Variants in PLPP4 observed in about 807,000 individuals in gnomAD.
PLPP4 encodes the protein diacylglycerol pyrophosphate like 2.
Under a neutral mutation model 32.2 loss-of-function variants are expected in PLPP4, and 20 were observed. The observed-to-expected ratio is 0.62, with a 90% CI of 0.44 to 0.90. The LOEUF (loss-of-function observed/expected upper bound fraction) is 0.90. Among genes scored for constraint, PLPP4 ranks in the 40% least tolerant of loss-of-function variants. The pLI is 0.00. For synonymous variants in PLPP4, 127 were observed against 133.0 expected, an observed-to-expected ratio of 0.95 and a Z score of 0.31; for missense variants, 257 against 353.1, an observed-to-expected ratio of 0.73 and a Z score of 2.18.
At chr10:120,538,032 C>CTGTG (rs1847127221) in intron 5 of PLPP4, among the ~76,000 whole-genome samples, 1 of 60,700 alleles carries the variant, frequency 1.6e-5, no homozygotes, top group Non-Finnish European at 3.8e-5. Context: ...CTCTCTCTCT[C>CTGTG]TCTCTCTCTC....
intron 3 of PLPP4, among the ~76,000 whole-genome samples, chr10:120,517,794 T>C (rs549383153): frequency 1.3e-5 from 2 of 152,338 alleles, no homozygotes; most frequent in East Asian, 3.9e-4. Flanking sequence ...CACAGTACTT[T>C]CTGCTCATAG....
At chr10:120,578,830 A>C (rs951887699) in intron 6 of PLPP4, among the ~76,000 whole-genome samples, 4 of 152,234 alleles carry the variant, frequency 2.6e-5, no homozygotes, top group Admixed American at 1.3e-4. Flanking sequence ...TGTCCTTGTG[A>C]CATTCTGGCT....
At chr10:120,533,554 A>T (rs1846846643) in intron 5 of PLPP4, among the ~76,000 whole-genome samples, 1 of 151,992 alleles carries the variant, frequency 6.6e-6, no homozygotes. Flanking sequence ...CCCCTTTGTT[A>T]TCTGTGCTTT....
At chr10:120,466,227 C>A (rs1191408027) in intron 1 of PLPP4, among the ~76,000 whole-genome samples, 1 of 152,144 alleles carries the variant, frequency 6.6e-6, no homozygotes, top group Non-Finnish European at 1.5e-5. Flanking sequence ...GGGTCCCATT[C>A]TGCAGGCAGA....
intron 4 of PLPP4, among the ~76,000 whole-genome samples, chr10:120,520,266 C>T (rs1197355875): frequency 6.6e-6 from 1 of 152,154 alleles, no homozygotes; most frequent in African/African-American, 2.4e-5. Context: ...GTGTCTTCTG[C>T]ATCATGGAGC....
chr10:120,467,101 C>T (rs1848360341), intron 1 of PLPP4, among the ~76,000 whole-genome samples: 4 of 149,916 alleles, frequency 2.7e-5, no homozygotes, highest in Admixed American at 1.3e-4. Context: ...TTTTTTGAGA[C>T]GGAGTCTTGC....
rs142757784 is a variant in PLPP4, at chr10:120,470,112, T to G, written c.56+12751T>G. Reference sequence around the variant, plus strand: ...ACAGTTGTGTGAAGGTGTCCATCATTATGCATCCTTGCCGATGTTGGATGT... The same window carrying G: ...ACAGTTGTGTGAAGGTGTCCATCATGATGCATCCTTGCCGATGTTGGATGT... On this transcript the variant is annotated intron_variant, in intron 1 of 6. Transcript: ENST00000398250. 4.3e-3 allele frequency among the ~76,000 whole-genome samples: 662 copies of G among 152,370 alleles called. 8 individuals carry two copies. Among genetic ancestry groups the G allele is most frequent in the African/African-American group, 0.015 (644 of 41,586 alleles).
rs114189107 is a variant in PLPP4 at position 120,491,769 on chromosome 10, G to A, written c.57-12049G>A. 5.0e-3 allele frequency among the ~76,000 whole-genome samples: 754 copies of A among 151,948 alleles called. 7 individuals are homozygous for A. The highest frequency in any genetic ancestry group is 0.017 in the African/African-American group (685 of 41,432). Reference sequence around the variant, plus strand: ...TCTTTTAAAGCAGATCCTAGATATGGCATCATGTCTGTATATACTTTGATA... The same window carrying A: ...TCTTTTAAAGCAGATCCTAGATATGACATCATGTCTGTATATACTTTGATA... On this transcript the variant is annotated intron_variant, in intron 1 of 6. Coordinates refer to ENST00000398250, the MANE Select transcript of PLPP4 (RefSeq NM_001030059.3).
chr10:120,581,982 C>T (rs965343374), intron 6 of PLPP4, among the ~76,000 whole-genome samples: 2 of 152,092 alleles, frequency 1.3e-5, no homozygotes, highest in African/African-American at 4.8e-5. Flanking sequence ...TCAGTTTGGC[C>T]GTAGTGCACA....
chr10:120,480,190 C>G (rs1359371260), intron 1 of PLPP4, among the ~76,000 whole-genome samples: 4 of 152,144 alleles, frequency 2.6e-5, no homozygotes, highest in African/African-American at 4.8e-5. Flanking sequence ...CGGTTGAGTA[C>G]CTGGTGCATG....
intron 6 of PLPP4, among the ~76,000 whole-genome samples, chr10:120,581,714 TCCTCTC>T (rs139266634): frequency 0.051 from 7,682 of 151,698 alleles, 235 homozygotes; most frequent in Admixed American, 0.097. Flanking sequence ...TGGCTTGTTC[TCCTCTC>T]CCTCCTAAAC....
chr10:120,533,569 A>G (rs559314133), intron 5 of PLPP4, among the ~76,000 whole-genome samples: 4 of 152,202 alleles, frequency 2.6e-5, no homozygotes, highest in East Asian at 1.9e-4. Context: ...TGCTTTTGTC[A>G]TAATATCTAA....
At chr10:120,471,238 C>T (rs544015967) in intron 1 of PLPP4, among the ~76,000 whole-genome samples, 2 of 152,244 alleles carry the variant, frequency 1.3e-5, no homozygotes, top group South Asian at 4.1e-4. Context: ...AAAGCCTTCA[C>T]ATTGTTTTTT....
chr10:120,559,453 A>G (rs575222572), intron 5 of PLPP4, among the ~76,000 whole-genome samples: 1 of 152,284 alleles, frequency 6.6e-6, no homozygotes, highest in South Asian at 2.1e-4. Flanking sequence ...TATACAGAGA[A>G]GCAAACTTTT....
chr10:120,501,852 T>G (rs1007178648), intron 1 of PLPP4, among the ~76,000 whole-genome samples: 3 of 152,174 alleles, frequency 2.0e-5, no homozygotes, highest in Admixed American at 1.3e-4. Flanking sequence ...CTTCTCAAAT[T>G]GAAGTCTCTG....
At chr10:120,459,480 C>T (rs1052608634) in intron 1 of PLPP4, among the ~76,000 whole-genome samples, 23 of 152,148 alleles carry the variant, frequency 1.5e-4, no homozygotes, top group African/African-American at 5.3e-4. Context: ...CTCAGATAAG[C>T]GTCTGGCACC....
intron 6 of PLPP4, among the ~76,000 whole-genome samples, chr10:120,577,729 T>C (rs576752738): frequency 1.3e-5 from 2 of 152,322 alleles, no homozygotes; most frequent in South Asian, 2.1e-4. Context: ...GTACAGGTTA[T>C]TGATATAGCC....
intron 5 of PLPP4, among the ~76,000 whole-genome samples, chr10:120,542,737 A>T (rs1847407923): frequency 6.6e-6 from 1 of 152,210 alleles, no homozygotes. Context: ...TTACGTGGTA[A>T]AAGCTTTTTC....
chr10:120,457,236 C>A lies in PLPP4; in HGVS notation c.-70C>A. 2 of 1,305,114 alleles carry A rather than the reference C, an allele frequency of 1.5e-6. No homozygotes were observed. The highest frequency in any genetic ancestry group is 2.0e-6 in the Non-Finnish European group (2 of 994,854). The allele number at this position is 1,305,114 out of a possible 1,614,324, so 80.8% of individuals were successfully genotyped here. A position where few individuals can be genotyped will look rare whatever the true frequency, so the allele number is the denominator to read the frequency against. On this transcript the variant is annotated 5_prime_UTR_variant, in exon 1 of 7. Transcript: ENST00000398250. ...CCTCGCCTCCCAGGGTCTGGCGAGC[C>A]GGCGCCGGCCGAGCTGCGGGAGCCG...
Sources: allele counts gnomAD v4.1 joint callset (sites outside exome capture counted in the v4.1 genomes callset), GRCh38; gene constraint gnomAD v4.1.1; transcripts MANE v1.5; gene names NCBI Gene and HGNC (gene_info 2026-07-23, HGNC 2026-07-21).